SLC6A9: variants seen among roughly 807,000 people sequenced by gnomAD.
SLC6A9 encodes the protein sodium- and chloride-dependent glycine transporter 1.
In SLC6A9, 31 loss-of-function variants were observed where a neutral mutation model predicts 70.9. The ratio of observed to expected loss-of-function variants is 0.44; its 90% CI spans 0.33 to 0.59. The LOEUF is 0.59. Ranked by LOEUF, SLC6A9 falls within the 20% of genes least tolerant of loss-of-function variation. The pLI is 0.04. For synonymous variants in SLC6A9, 310 were observed against 341.3 expected, an observed-to-expected ratio of 0.91 and a Z score of 1.01; for missense variants, 631 against 845.2, an observed-to-expected ratio of 0.75 and a Z score of 3.14.
At chr1:44,010,239 C>T (rs1290550051) in intron 3 of SLC6A9, 143 bp from the exon 4 acceptor site, 2 of 744,710 alleles carry the variant, frequency 2.7e-6, no homozygotes, top group African/African-American at 1.8e-5. Context: ...GGAGCCTGGG[C>T]TGAGGCACAC....
chr1:44,005,868 C>T (rs75404559), intron 5 of SLC6A9, among the ~76,000 whole-genome samples: 9,706 of 152,304 alleles, frequency 0.064, 682 homozygotes, highest in African/African-American at 0.18. Flanking sequence ...GAAGGTATCC[C>T]GCATGGGACA....
At chr1:43,998,548 T>C (rs1450226269) in intron 12 of SLC6A9, among the ~76,000 whole-genome samples, 1 of 152,178 alleles carries the variant, frequency 6.6e-6, no homozygotes, top group Non-Finnish European at 1.5e-5. Flanking sequence ...CATCCCAGAT[T>C]TCCTCCATTT....
intron 1 of SLC6A9, among the ~76,000 whole-genome samples, chr1:44,025,388 A>T (rs113575553): frequency 0.025 from 3,819 of 152,044 alleles, 150 homozygotes; most frequent in African/African-American, 0.084. Flanking sequence ...GGGACGGAAG[A>T]AAGGTTAGTT....
At chr1:44,011,639 G>A (rs958488516) in intron 2 of SLC6A9, 1 of 1,613,992 alleles carries the variant, frequency 6.2e-7, no homozygotes, top group Non-Finnish European at 8.5e-7. Context: ...AGACTTTGAG[G>A]ACAGACTCTG....
chr1:44,022,886 A>G (rs2086913879), intron 2 of SLC6A9, among the ~76,000 whole-genome samples: 1 of 151,608 alleles, frequency 6.6e-6, no homozygotes, highest in African/African-American at 2.4e-5. Flanking sequence ...TTGTATTTTT[A>G]GTAGAGACAA....
At position 44,000,822 on chromosome 1, in the gene SLC6A9, G is replaced by A. The variant is rs202100791; in HGVS notation, c.1481C>T (p.Pro494Leu). ...GCAGATCTGAAAGAAGAGGGGTGGT[G>A]GGAATCCCAGCATCATCTGGATGTC... ...FQDIQMMLGF[P>L]PPLFFQICWR... Residue 494 changes from proline to leucine, a missense_variant, in exon 12 of 14, where the codon CCA (proline) becomes CTA (leucine). Coordinates refer to ENST00000372310, the MANE Select transcript of SLC6A9 (RefSeq NM_001024845.3). The A allele has an allele frequency of 1.5e-4, 244 of 1,612,070 alleles. 1 individual carries two copies. Among genetic ancestry groups the A allele is most frequent in the Non-Finnish European group, 1.7e-4 (196 of 1,179,130 alleles).
At chr1:44,004,513 T>C (rs1414712702) in intron 5 of SLC6A9, among the ~76,000 whole-genome samples, 2 of 151,994 alleles carry the variant, frequency 1.3e-5, no homozygotes, top group South Asian at 2.1e-4. Flanking sequence ...GCCCAACTAA[T>C]TTTTGTATTT....
At chr1:44,021,922 G>A (rs973052581) in intron 2 of SLC6A9, among the ~76,000 whole-genome samples, 2 of 152,234 alleles carry the variant, frequency 1.3e-5, no homozygotes, top group African/African-American at 4.8e-5. Flanking sequence ...AGTACTCCAA[G>A]GTCATCAGCA....
At chr1:44,019,032 T>C (rs1037514458) in intron 2 of SLC6A9, among the ~76,000 whole-genome samples, 1 of 152,228 alleles carries the variant, frequency 6.6e-6, no homozygotes, top group African/African-American at 2.4e-5. Flanking sequence ...TTTCTCACCA[T>C]ATATAACCTT....
At chr1:44,029,188 GTCAA>G (rs2087045097) in intron 1 of SLC6A9, among the ~76,000 whole-genome samples, 3 of 152,228 alleles carry the variant, frequency 2.0e-5, no homozygotes, top group Admixed American at 6.5e-5. Context: ...GGACTGTCAG[GTCAA>G]TCAGTTTTAA....
At position 44,017,125 on chromosome 1, in the gene SLC6A9, G is replaced by A. The variant is rs777829419; in HGVS notation, c.31-6243C>T. 51 of 1,606,708 alleles carry A rather than the reference G, an allele frequency of 3.2e-5. No individual in the cohort carries two copies. The highest frequency in any genetic ancestry group is 1.7e-4 in the Admixed American group (10 of 59,152). ...GAGCGATCGCAGCCCGCGTGTCTCCGCCGCTCATTCACACCTCTGCCAGCT... is the reference window on the plus strand; with the variant it reads ...GAGCGATCGCAGCCCGCGTGTCTCCACCGCTCATTCACACCTCTGCCAGCT... On this transcript the variant is annotated intron_variant, in intron 2 of 13. Coordinates refer to ENST00000372310, the MANE Select transcript of SLC6A9 (RefSeq NM_001024845.3).
intron 5 of SLC6A9, among the ~76,000 whole-genome samples, chr1:44,003,748 C>CAAAAAA (rs34308293): frequency 1.4e-5 from 1 of 71,956 alleles, no homozygotes; most frequent in African/African-American, 5.6e-5. Flanking sequence ...AGTCCAATCT[C>CAAAAAA]AAAAAAAAAA....
At chr1:44,015,438 A>G (rs548506487) in intron 2 of SLC6A9, among the ~76,000 whole-genome samples, 2 of 152,342 alleles carry the variant, frequency 1.3e-5, no homozygotes, top group South Asian at 4.1e-4. Context: ...CTTTGTGTTT[A>G]GGACTCTCCA....
In SLC6A9 at chr1:44,002,237, T is replaced by C. The variant is rs2086138867; in HGVS notation, c.962+76A>G. 1 of 1,035,318 alleles carries C rather than the reference T, an allele frequency of 9.7e-7. No individual in the cohort carries two copies. The highest frequency in any genetic ancestry group is 2.4e-5 in the East Asian group (1 of 41,898). 64.1% of individuals were successfully genotyped at this position (1,035,318 alleles called of 1,614,324 possible). A position where few individuals can be genotyped will look rare whatever the true frequency, so the allele number is the denominator to read the frequency against. ...GGGGAAAGGAGGCCTCGTGGGCCCA[T>C]GGCTGCACTGGAGCTGAGATCAGGC... On this transcript the variant is annotated intron_variant, in intron 8 of 13. Coordinates refer to ENST00000372310, the MANE Select transcript of SLC6A9 (RefSeq NM_001024845.3). The surrounding 1 kb of genome is among the most constrained non-coding windows in gnomAD (Gnocchi z 5.5).
chr1:44,023,325 C>T (rs1253976012), intron 2 of SLC6A9, among the ~76,000 whole-genome samples: 1 of 152,168 alleles, frequency 6.6e-6, no homozygotes, highest in Non-Finnish European at 1.5e-5. Context: ...CTGGTCCATC[C>T]ATCAGCGAGT....
At chr1:44,026,016 C>T (rs2086976098) in intron 1 of SLC6A9, among the ~76,000 whole-genome samples, 1 of 152,264 alleles carries the variant, frequency 6.6e-6, no homozygotes, top group Non-Finnish European at 1.5e-5. Flanking sequence ...GGAGGCTGCT[C>T]TTTGCCTATG....
intron 1 of SLC6A9, among the ~76,000 whole-genome samples, chr1:44,028,983 C>T (rs536424465): frequency 6.6e-6 from 1 of 152,274 alleles, no homozygotes; most frequent in Admixed American, 6.5e-5. Context: ...GAAGGAGTCT[C>T]TGGTTTCTGC....
At chr1:44,015,971 C>T (rs1470314786) in intron 2 of SLC6A9, 1 of 536,548 alleles carries the variant, frequency 1.9e-6, no homozygotes, top group African/African-American at 2.1e-5. Flanking sequence ...CCTTCAGAGT[C>T]CAGGCCTTCA....
rs751169815 is a variant in SLC6A9, at chr1:44,001,222, T to C, written c.1277A>G (p.Tyr426Cys). 2 of 1,613,946 alleles carry C rather than the reference T, an allele frequency of 1.2e-6. No individual in the cohort carries two copies. The highest frequency in any genetic ancestry group is 1.1e-5 in the South Asian group (1 of 91,078). ...AGCCACAGCCACGCCCAAGGTCACA[T>C]AGGTCTTTTTCTGCAGGATCCACTC... ...GNEWILQKKTYVTLGVAVAGF... is the reference protein window; with the variant it reads ...GNEWILQKKTCVTLGVAVAGF... Residue 426 changes from tyrosine (Y) to cysteine (C), a missense_variant, in exon 10 of 14, where the codon TAT (tyrosine) becomes TGT (cysteine). Coordinates refer to ENST00000372310, the MANE Select transcript of SLC6A9 (RefSeq NM_001024845.3).
Sources: gnomAD v4.1 joint callset for allele counts (sites outside exome capture counted in the v4.1 genomes callset) on GRCh38, gnomAD v4.1.1 for gene constraint, Gnocchi (gnomAD v3.1) non-coding constraint, MANE v1.5 for transcripts, NCBI Gene and HGNC (gene_info 2026-07-23, HGNC 2026-07-21) for gene names.